The following ATRNL1 variants were observed in gnomAD, a reference collection of about 807,000 sequenced individuals.
ATRNL1 encodes attractin-like protein 1.
Under a neutral mutation model 182.7 loss-of-function variants are expected in ATRNL1, and 95 were observed. The ratio of observed to expected loss-of-function variants is 0.52; its 90% CI spans 0.44 to 0.62. The LOEUF is 0.62. Ranked by LOEUF, ATRNL1 falls within the 20% of genes least tolerant of loss-of-function variation. The pLI is 0.00. For missense variants in ATRNL1, 1,471 were observed against 1,679.5 expected, an observed-to-expected ratio of 0.88 and a Z score of 2.17; for synonymous variants, 576 against 568.3, an observed-to-expected ratio of 1.01 and a Z score of -0.19.
chr10:115,898,141 G>A (rs1555112943), intron 28 of ATRNL1, among the ~76,000 whole-genome samples: 1 of 152,024 alleles, frequency 6.6e-6, no homozygotes, highest in African/African-American at 2.4e-5. Context: ...TGGCCAGGAT[G>A]GTCTCAATCT....
intron 26 of ATRNL1, among the ~76,000 whole-genome samples, chr10:115,608,034 G>C (rs185711227): frequency 6.6e-6 from 1 of 151,936 alleles, no homozygotes; most frequent in Non-Finnish European, 1.5e-5. Context: ...ACATTTTATC[G>C]GTTAAATAGG....
At chr10:115,230,958 G>T (rs938312179) in intron 9 of ATRNL1, among the ~76,000 whole-genome samples, 1 of 148,874 alleles carries the variant, frequency 6.7e-6, no homozygotes. Flanking sequence ...CAGGCATTTG[G>T]CTTGAAGACC....
Position 115,944,732 on chromosome 10 carries a change from G to A in ATRNL1, c.4093G>A (p.Val1365Ile), listed in dbSNP as rs782065884. Residue 1365 changes from valine to isoleucine, a missense_variant, in exon 29 of 29, where the codon GTC (valine) becomes ATC (isoleucine). Transcript: ENST00000355044. The stretch of plus-strand genomic sequence containing the variant: ...AGATAGTAAAGATAAGACTTCTGGA[G>A]TCCGGAATCGAAAACACCTTTCAAC... Reference protein sequence around the residue: ...ASDSKDKTSGVRNRKHLSTRQ... With the variant: ...ASDSKDKTSGIRNRKHLSTRQ... 2 of 1,613,794 alleles carry A rather than the reference G, an allele frequency of 1.2e-6. No homozygotes were observed. Among genetic ancestry groups the A allele is most frequent in the Non-Finnish European group, 1.7e-6 (2 of 1,179,766 alleles).
chr10:115,590,135 A>C (rs1855814306), intron 26 of ATRNL1, among the ~76,000 whole-genome samples: 1 of 152,238 alleles, frequency 6.6e-6, no homozygotes, highest in African/African-American at 2.4e-5. Flanking sequence ...GATCGTTAAA[A>C]GATAATGATC....
chr10:115,676,306 G>A (rs138028777), intron 26 of ATRNL1, among the ~76,000 whole-genome samples: 255 of 152,052 alleles, frequency 1.7e-3, no homozygotes, highest in African/African-American at 5.5e-3. Context: ...ACTAGAGATC[G>A]ACCATAGCTT....
rs189571876 is a variant in ATRNL1, at chr10:115,881,385, C to T, written c.4018+33394C>T. Among the ~76,000 whole-genome samples the T allele has an allele frequency of 5.9e-5, 9 of 152,294 alleles. No homozygotes were observed. The East Asian group carries it at 1.4e-3, about 23-fold the overall frequency. ...TCGCACAGCCATTTGCAGTTTGCAG[C>T]GCCCCTATGGATTGCTTCTGTTTCT... On this transcript the variant is annotated intron_variant, in intron 28 of 28. Transcript: ENST00000355044.
rs1847820003 is a variant in ATRNL1 at position 115,461,945 on chromosome 10, C to T, written c.3327C>T (p.Ser1109=). Residue 1109 remains serine, a synonymous_variant, in exon 22 of 29, where the codon AGC becomes AGT. Coordinates refer to ENST00000355044, the MANE Select transcript of ATRNL1 (RefSeq NM_207303.4). ...TACTTTTTTTCCTCCCTACAGACAG[C>T]CTTTTGATTGATTATCAATTTACCT... The part of the protein sequence containing the change: ...GNPLRGTCYY[S]LLIDYQFTFS... 2.5e-6 allele frequency: 4 copies of T among 1,607,958 alleles called. No individual in the cohort carries two copies. Among genetic ancestry groups the T allele is most frequent in the African/African-American group, 1.3e-5 (1 of 74,736 alleles).
intron 25 of ATRNL1, among the ~76,000 whole-genome samples, chr10:115,536,591 C>T (rs925944719): frequency 1.6e-4 from 24 of 152,202 alleles, no homozygotes; most frequent in Admixed American, 5.2e-4. Flanking sequence ...CGCCCTGCTT[C>T]GGCTCTCGCA....
chr10:115,146,802 CT>C (rs35914807), intron 5 of ATRNL1, among the ~76,000 whole-genome samples: 101 of 145,684 alleles, frequency 6.9e-4, no homozygotes, highest in Admixed American at 1.9e-3. Context: ...TGATTTCATT[CT>C]TTTTTTTTTT....
In ATRNL1 at chr10:115,874,166, C is replaced by T. The variant is rs566978625; in HGVS notation, c.4018+26175C>T. Among the ~76,000 whole-genome samples, 23 of 152,246 alleles carry T rather than the reference C, an allele frequency of 1.5e-4. No homozygotes were observed. In the South Asian group the frequency reaches 4.8e-3, roughly 32 times the overall value. On this transcript the variant is annotated intron_variant, in intron 28 of 28. Transcript: ENST00000355044. ...GGAGAAGATCTGTTGCCTTTTCTGG[C>T]AGTCAGTGACGTCTTCTGCCACAAC...
intron 28 of ATRNL1, among the ~76,000 whole-genome samples, chr10:115,922,197 G>C (rs1375593955): frequency 6.6e-6 from 1 of 152,146 alleles, no homozygotes; most frequent in Non-Finnish European, 1.5e-5. Flanking sequence ...CATTGTCTGA[G>C]TAAGGGAAAA....
intron 28 of ATRNL1, among the ~76,000 whole-genome samples, chr10:115,869,486 G>A (rs1266187086): frequency 2.0e-5 from 3 of 152,082 alleles, no homozygotes; most frequent in South Asian, 4.2e-4. Flanking sequence ...GGACAGGGGA[G>A]GTGGAAGAGG....
chr10:115,805,987 A>C (rs1030092038), intron 27 of ATRNL1, among the ~76,000 whole-genome samples: 37 of 152,272 alleles, frequency 2.4e-4, no homozygotes, highest in Admixed American at 1.8e-3. Context: ...ACAGTATTTT[A>C]AAGTTTACTA....
intron 8 of ATRNL1, among the ~76,000 whole-genome samples, chr10:115,203,073 A>G (rs895570562): frequency 1.3e-5 from 2 of 152,074 alleles, no homozygotes; most frequent in African/African-American, 2.4e-5. Flanking sequence ...GGGATCGTTT[A>G]TTGGAATAAG....
At chr10:115,635,214 G>A (rs1858786591) in intron 26 of ATRNL1, among the ~76,000 whole-genome samples, 1 of 151,668 alleles carries the variant, frequency 6.6e-6, no homozygotes, top group African/African-American at 2.4e-5. Context: ...AAGCAATGGA[G>A]TGAGAGAAGG....
At chr10:115,462,343 G>C (rs1441424105) in intron 22 of ATRNL1, among the ~76,000 whole-genome samples, 1 of 152,142 alleles carries the variant, frequency 6.6e-6, no homozygotes, top group Non-Finnish European at 1.5e-5. Context: ...TTCGGGCGCA[G>C]TGGCTCATGC....
Position 115,167,232 on chromosome 10 carries a change from ACT to A in ATRNL1, c.1092+1592_1092+1593del, listed in dbSNP as rs1235598616. Among the ~76,000 whole-genome samples the A allele has an allele frequency of 6.0e-5, 9 of 149,742 alleles. No individual in the cohort carries two copies. In the South Asian group the frequency reaches 1.3e-3, roughly 21 times the overall value. On this transcript the variant is annotated intron_variant, in intron 7 of 28. Transcript: ENST00000355044. Reference sequence around the variant, plus strand: ...GTATATGAGGGTTTTTTTTTTCTGGACTCTCTATTTTATTCTATTGATCTATA... The same window carrying A: ...GTATATGAGGGTTTTTTTTTTCTGGACTCTATTTTATTCTATTGATCTATA...
At chr10:115,930,209 A>T (rs1953352324) in intron 28 of ATRNL1, among the ~76,000 whole-genome samples, 2 of 152,158 alleles carry the variant, frequency 1.3e-5, no homozygotes, top group Non-Finnish European at 2.9e-5. Flanking sequence ...ATTACTTAAA[A>T]TTACCAAACA....
rs1204539226 is a variant in ATRNL1 at position 115,947,973 on chromosome 10, C to T, written c.*3194C>T. The T allele has an allele frequency of 5.3e-5, 8 of 152,210 alleles. No individual in the cohort carries two copies. The highest frequency in any genetic ancestry group is 1.2e-4 in the Non-Finnish European group (8 of 68,032). 9.4% of individuals were successfully genotyped at this position (152,210 alleles called of 1,614,324 possible). A position where few individuals can be genotyped will look rare whatever the true frequency, so the allele number is the denominator to read the frequency against. On this transcript the variant is annotated 3_prime_UTR_variant, in exon 29 of 29. Transcript: ENST00000355044. ...GATGCAGCGTAGCTGGTATTAACAA[C>T]CGTGGGGACACCAGGCCACTCTTTT...
Sources: gnomAD v4.1 joint callset for allele counts (sites outside exome capture counted in the v4.1 genomes callset) on GRCh38, gnomAD v4.1.1 for gene constraint, MANE v1.5 for transcripts, NCBI Gene and HGNC (gene_info 2026-07-23, HGNC 2026-07-21) for gene names.